ZFAND4: variants seen among roughly 807,000 people sequenced by gnomAD.
ZFAND4 encodes the protein AN1-type zinc finger protein 4.
A neutral mutation model predicts 64.4 loss-of-function variants in ZFAND4; 43 were observed. That is an observed-to-expected ratio of 0.67 (90% CI 0.52 to 0.86). The LOEUF (loss-of-function observed/expected upper bound fraction) is 0.86. ZFAND4 is among the 40% of genes least tolerant of loss of function. The probability of loss-of-function intolerance (pLI) is 0.00; values close to 1 mark genes in which losing one functional copy is unlikely to be tolerated. For synonymous variants in ZFAND4, 296 were observed against 305.7 expected, an observed-to-expected ratio of 0.97 and a Z score of 0.33; for missense variants, 929 against 859.8, an observed-to-expected ratio of 1.08 and a Z score of -1.01.
intron 5 of ZFAND4, among the ~76,000 whole-genome samples, chr10:45,647,813 CAACT>C (rs1027082749): frequency 3.9e-5 from 6 of 152,124 alleles, no homozygotes; most frequent in East Asian, 1.9e-4. Context: ...GAATGCACAG[CAACT>C]AACTGAGAGG....
intron 5 of ZFAND4, 59 bp downstream of exon 5, chr10:45,648,235 T>C: frequency 1.4e-6 from 2 of 1,456,348 alleles, no homozygotes; most frequent in Non-Finnish European, 1.8e-6. Flanking sequence ...ATGCATGACA[T>C]TTGTTAATAT....
intron 6 of ZFAND4, among the ~76,000 whole-genome samples, chr10:45,636,027 C>T (rs553012677): frequency 1.5e-4 from 23 of 151,898 alleles, no homozygotes; most frequent in Admixed American, 2.6e-4. Flanking sequence ...TGAATGAAAT[C>T]GTAATGCAAA....
intron 6 of ZFAND4, among the ~76,000 whole-genome samples, chr10:45,632,071 T>C (rs764561153): frequency 6.6e-6 from 1 of 152,130 alleles, no homozygotes; most frequent in Non-Finnish European, 1.5e-5. Flanking sequence ...TGGAATACAA[T>C]TGGCCGGGCA....
At chr10:45,671,391 T>C (rs1358741250) in intron 1 of ZFAND4, among the ~76,000 whole-genome samples, 2 of 152,268 alleles carry the variant, frequency 1.3e-5, no homozygotes, top group Non-Finnish European at 2.9e-5. Flanking sequence ...GTATGTTTAC[T>C]GTGGCACAAT....
intron 5 of ZFAND4, among the ~76,000 whole-genome samples, chr10:45,642,157 C>T (rs2047044154): frequency 6.6e-6 from 1 of 152,124 alleles, no homozygotes; most frequent in African/African-American, 2.4e-5. Flanking sequence ...AATATTTTAA[C>T]CTTAAATACT....
At position 45,672,515 on chromosome 10, in the gene ZFAND4, GGGC is replaced by G. The variant is rs1232858612; in HGVS notation, c.-386_-384del. The G allele has an allele frequency of 1.3e-5, 2 of 152,302 alleles. No homozygotes were observed. The highest frequency in any genetic ancestry group is 2.9e-5 in the Non-Finnish European group (2 of 68,130). The allele number at this position is 152,302 out of a possible 1,614,324, so 9.4% of individuals were successfully genotyped here. ...GGCCGGCGTCAGGCCGCAAGGCGAG[GGGC>G]GGGGACAGGACTCTACCCGGCAGCC... On this transcript the variant is annotated 5_prime_UTR_variant, in exon 1 of 10. Coordinates refer to ENST00000344646, the MANE Select transcript of ZFAND4 (RefSeq NM_174890.4).
chr10:45,648,552 A>G lies in ZFAND4; in HGVS notation c.329-18T>C. 6.3e-7 allele frequency: 1 copy of G among 1,582,936 alleles called. No individual in the cohort carries two copies. The highest frequency in any genetic ancestry group is 1.2e-5 in the South Asian group (1 of 85,578). ...TGTAGGAACTACAAATGGAAAATTGAAATAAGTCTTCAATTTGGATCAAGT... is the reference window on the plus strand; with the variant it reads ...TGTAGGAACTACAAATGGAAAATTGGAATAAGTCTTCAATTTGGATCAAGT... On this transcript the variant is annotated intron_variant, in intron 4 of 9. Coordinates refer to ENST00000344646, the MANE Select transcript of ZFAND4 (RefSeq NM_174890.4).
intron 2 of ZFAND4, among the ~76,000 whole-genome samples, chr10:45,660,835 T>C (rs1253713253): frequency 6.6e-6 from 1 of 151,946 alleles, no homozygotes; most frequent in Non-Finnish European, 1.5e-5. Context: ...CCTTCAGAAA[T>C]GAAGGAGAAA....
chr10:45,664,645 G>C (rs1306763930), intron 1 of ZFAND4, among the ~76,000 whole-genome samples: 3 of 151,992 alleles, frequency 2.0e-5, no homozygotes, highest in African/African-American at 7.2e-5. Flanking sequence ...TACTCACTAG[G>C]CTGGGGGCTG....
At chr10:45,665,674 T>C (rs1750694529) in intron 1 of ZFAND4, among the ~76,000 whole-genome samples, 1 of 152,146 alleles carries the variant, frequency 6.6e-6, no homozygotes, top group Admixed American at 6.6e-5. Flanking sequence ...CTTTAGAAAA[T>C]TTTCATTACC....
In ZFAND4 at chr10:45,634,291, G is replaced by A. The variant is rs1292855630; in HGVS notation, c.717+5525C>T. Among the ~76,000 whole-genome samples the A allele has an allele frequency of 5.3e-5, 8 of 152,080 alleles. No homozygotes were observed. The East Asian group carries it at 5.8e-4, about 11-fold the overall frequency. ...TGTAATCCCAGCACCTTGGGAGGCC[G>A]AGGCAGGCAGATCACGGGGTCAAGA... On this transcript the variant is annotated intron_variant, in intron 6 of 9. Transcript: ENST00000344646.
In ZFAND4 at chr10:45,637,339, CAAA is replaced by C. The variant is rs376511722; in HGVS notation, c.717+2474_717+2476del. 9.8e-5 allele frequency among the ~76,000 whole-genome samples: 7 copies of C among 71,262 alleles called. No individual in the cohort carries two copies. The East Asian group carries it at 2.3e-3, about 23-fold the overall frequency. The allele number at this position is 71,262 out of a possible 152,430, so 46.8% of individuals were successfully genotyped here. On this transcript the variant is annotated intron_variant, in intron 6 of 9. Coordinates refer to ENST00000344646, the MANE Select transcript of ZFAND4 (RefSeq NM_174890.4). ...CTGGAGACACAGCAAGACTCCGTCT[CAAA>C]AAAAAAAAAAAAAAAAATTTCAGCT...
chr10:45,652,095 C>G (rs560556760), intron 3 of ZFAND4, 62 bp from the exon 4 acceptor site: 2 of 1,534,204 alleles, frequency 1.3e-6, no homozygotes, highest in South Asian at 2.3e-5. Flanking sequence ...TAAATGTACA[C>G]ATAATTATGT....
Position 45,616,176 on chromosome 10 carries a change from A to G in ZFAND4, c.*260T>C. On this transcript the variant is annotated 3_prime_UTR_variant, in exon 10 of 10. Coordinates refer to ENST00000344646, the MANE Select transcript of ZFAND4 (RefSeq NM_174890.4). Reference sequence around the variant, plus strand: ...CTAGTAAAACTGCAATATCATATACAAAACACTTAACACAAGACATGCAAT... The same window carrying G: ...CTAGTAAAACTGCAATATCATATACGAAACACTTAACACAAGACATGCAAT... 1 of 430,930 alleles carries G rather than the reference A, an allele frequency of 2.3e-6. No homozygotes were observed. The highest frequency in any genetic ancestry group is 4.1e-6 in the Non-Finnish European group (1 of 241,856). 26.7% of individuals were successfully genotyped at this position (430,930 alleles called of 1,614,324 possible). A position where few individuals can be genotyped will look rare whatever the true frequency, so the allele number is the denominator to read the frequency against.
At chr10:45,651,872 G>A in intron 4 of ZFAND4, 94 bp downstream of exon 4, 1 of 1,146,828 alleles carries the variant, frequency 8.7e-7, no homozygotes, top group Non-Finnish European at 1.3e-6. Context: ...CCTAATAGCA[G>A]AAAGGAAACC....
chr10:45,635,214 C>CAAAAAAAAAAAAAAAAAAAAAAAAAA (rs76130878), intron 6 of ZFAND4, among the ~76,000 whole-genome samples: 8 of 68,250 alleles, frequency 1.2e-4, no homozygotes, highest in African/African-American at 1.7e-4. Context: ...AAAAAAAAAA[C>CAAAAAAAAAAAAAAAAAAAAAAAAAA]AAAAAAAAAA....
intron 5 of ZFAND4, chr10:45,640,477 A>T (rs372988851): frequency 8.7e-7 from 1 of 1,148,806 alleles, no homozygotes; most frequent in Non-Finnish European, 1.1e-6. Flanking sequence ...AACATTTTCT[A>T]TTCTTAAGGA....
At position 45,648,284 on chromosome 10, in the gene ZFAND4, T is replaced by G. The variant is rs373973974; in HGVS notation, c.569+10A>C. ...TGACAACACAAGGTAAACAAAAGTTTATGGAGTACCTCATACGATGTTCTC... is the reference window on the plus strand; with the variant it reads ...TGACAACACAAGGTAAACAAAAGTTGATGGAGTACCTCATACGATGTTCTC... On this transcript the variant is annotated intron_variant, in intron 5 of 9. Transcript: ENST00000344646. The G allele has an allele frequency of 3.8e-6, 6 of 1,581,204 alleles. No homozygotes were observed. The highest frequency in any genetic ancestry group is 5.1e-6 in the Non-Finnish European group (6 of 1,165,776).
chr10:45,667,181 C>T (rs894667355), intron 1 of ZFAND4, among the ~76,000 whole-genome samples: 1 of 152,040 alleles, frequency 6.6e-6, no homozygotes, highest in Non-Finnish European at 1.5e-5. Context: ...GTTTTGTTCT[C>T]TTTTATTAAA....
Sources: allele counts gnomAD v4.1 joint callset (sites outside exome capture counted in the v4.1 genomes callset), GRCh38; gene constraint gnomAD v4.1.1; transcripts MANE v1.5; gene names NCBI Gene and HGNC (gene_info 2026-07-23, HGNC 2026-07-21).